SORCS3: variants seen among roughly 807,000 people sequenced by gnomAD.
The protein encoded by SORCS3 is sortilin related VPS10 domain containing receptor 3.
Under a neutral mutation model 146.3 loss-of-function variants are expected in SORCS3, and 57 were observed. That is an observed-to-expected ratio of 0.39 (90% CI 0.31 to 0.49). SORCS3 has a LOEUF of 0.49. Among genes scored for constraint, SORCS3 ranks in the 20% least tolerant of loss-of-function variants. The pLI is 0.92. For missense variants in SORCS3, 1,341 were observed against 1,575.5 expected (o/e 0.85, Z 2.52); for synonymous variants, 653 against 618.5 (o/e 1.06, Z -0.83).
At chr10:104,943,536 T>C (rs1326461412) in intron 3 of SORCS3, among the ~76,000 whole-genome samples, 1 of 152,186 alleles carries the variant, frequency 6.6e-6, no homozygotes, top group East Asian at 1.9e-4. Context: ...AGACTCAATA[T>C]AGAAGACTAA....
chr10:104,828,460 T>C lies in SORCS3; in HGVS notation c.628-14332T>C, dbSNP rs567539497. Among the ~76,000 whole-genome samples, 4 of 152,260 alleles carry C rather than the reference T, an allele frequency of 2.6e-5. No homozygotes were observed. The South Asian group carries it at 8.3e-4, about 32-fold the overall frequency. ...CACTGTTTTATATGGGCATGGTTCATGGTGCCCAAAAAACAATTACAAAGT... is the reference window on the plus strand; with the variant it reads ...CACTGTTTTATATGGGCATGGTTCACGGTGCCCAAAAAACAATTACAAAGT... On this transcript the variant is annotated intron_variant, in intron 1 of 26. Coordinates refer to ENST00000369701, the MANE Select transcript of SORCS3 (RefSeq NM_014978.3).
chr10:104,647,470 T>G (rs1390295720), intron 1 of SORCS3, among the ~76,000 whole-genome samples: 1 of 152,224 alleles, frequency 6.6e-6, no homozygotes, highest in Non-Finnish European at 1.5e-5. Context: ...TTTGTCATAT[T>G]TAGTTTAGTA....
intron 1 of SORCS3, among the ~76,000 whole-genome samples, chr10:104,775,346 A>G (rs981803411): frequency 6.6e-6 from 1 of 152,208 alleles, no homozygotes; most frequent in African/African-American, 2.4e-5. Flanking sequence ...AGTGCTCAGT[A>G]AGTGTTATTT....
At chr10:105,016,134 A>AATATATATATAT (rs1355412638) in intron 4 of SORCS3, among the ~76,000 whole-genome samples, 21 of 113,670 alleles carry the variant, frequency 1.8e-4, no homozygotes, top group African/African-American at 6.6e-4. Flanking sequence ...ATATTATATA[A>AATATATATATAT]ATATATATAT....
Position 104,964,988 on chromosome 10 carries a change from A to G in SORCS3, c.796-12347A>G, listed in dbSNP as rs544530600. On this transcript the variant is annotated intron_variant, in intron 3 of 26. Coordinates refer to ENST00000369701, the MANE Select transcript of SORCS3 (RefSeq NM_014978.3). ...TAGTATTTTTTTCTTTATGACTGGC[A>G]TATTTCACTTTGCATAATGTCTTCA... Among the ~76,000 whole-genome samples the G allele has an allele frequency of 8.5e-5, 13 of 152,306 alleles. No individual in the cohort carries two copies. In the South Asian group the frequency reaches 2.3e-3, roughly 27 times the overall value.
At chr10:104,736,688 G>T (rs1200513876) in intron 1 of SORCS3, among the ~76,000 whole-genome samples, 2 of 151,908 alleles carry the variant, frequency 1.3e-5, no homozygotes, top group Non-Finnish European at 2.9e-5. Context: ...TATATTCTCA[G>T]CAGGTGAACC....
chr10:104,662,355 A>C (rs1021248099), intron 1 of SORCS3, among the ~76,000 whole-genome samples: 2 of 152,230 alleles, frequency 1.3e-5, no homozygotes, highest in African/African-American at 2.4e-5. Flanking sequence ...TGCATTCAGC[A>C]TCTTGTTTAA....
chr10:105,245,911 G>A (rs961088651), intron 21 of SORCS3, among the ~76,000 whole-genome samples: 1 of 152,114 alleles, frequency 6.6e-6, no homozygotes, highest in Non-Finnish European at 1.5e-5. Context: ...GTTCTTATTA[G>A]ACAAAGACAC....
At chr10:104,695,872 T>TTG (rs1423988838) in intron 1 of SORCS3, among the ~76,000 whole-genome samples, 25 of 149,788 alleles carry the variant, frequency 1.7e-4, no homozygotes, top group Middle Eastern at 3.5e-3. Flanking sequence ...TAATTCACAA[T>TTG]AGTCAAAATA....
At chr10:105,219,675 T>C (rs1055852216) in intron 19 of SORCS3, among the ~76,000 whole-genome samples, 2 of 152,162 alleles carry the variant, frequency 1.3e-5, no homozygotes, top group African/African-American at 2.4e-5. Flanking sequence ...ATTAGAGTAT[T>C]TACTAAGTAC....
chr10:105,104,639 A>AGG (rs1334401461), intron 6 of SORCS3, among the ~76,000 whole-genome samples: 2 of 152,276 alleles, frequency 1.3e-5, no homozygotes, highest in African/African-American at 4.8e-5. Flanking sequence ...TAAAAAGCAG[A>AGG]GGTCTCACTT....
intron 1 of SORCS3, among the ~76,000 whole-genome samples, chr10:104,801,625 G>T (rs143335421): frequency 5.8e-4 from 88 of 152,136 alleles, no homozygotes; most frequent in African/African-American, 1.9e-3. Context: ...GTGTAGATGG[G>T]ATCTTTGAAG....
rs533711711 is a variant in SORCS3 at position 105,059,748 on chromosome 10, C to T, written c.1028+16620C>T. On this transcript the variant is annotated intron_variant, in intron 5 of 26. Transcript: ENST00000369701. ...CTGAGTTTAGCAAATGTGACACAAGCGGAAGCTCTGTCATTGCACTGTAGC... is the reference window on the plus strand; with the variant it reads ...CTGAGTTTAGCAAATGTGACACAAGTGGAAGCTCTGTCATTGCACTGTAGC... 3.3e-4 allele frequency among the ~76,000 whole-genome samples: 51 copies of T among 152,294 alleles called. No homozygotes were observed. In the South Asian group the frequency reaches 9.9e-3, roughly 30 times the overall value.
chr10:104,782,740 G>C (rs541199035), intron 1 of SORCS3, among the ~76,000 whole-genome samples: 1 of 152,194 alleles, frequency 6.6e-6, no homozygotes, highest in African/African-American at 2.4e-5. Flanking sequence ...ATGGGATCTC[G>C]GGAAAATCAC....
chr10:104,681,985 T>C (rs1345855210), intron 1 of SORCS3, among the ~76,000 whole-genome samples: 2 of 152,248 alleles, frequency 1.3e-5, no homozygotes, highest in Non-Finnish European at 2.9e-5. Flanking sequence ...GATTTATCTA[T>C]TGATTGCCTG....
chr10:104,883,339 C>T (rs1299766186), intron 2 of SORCS3, among the ~76,000 whole-genome samples: 1 of 152,198 alleles, frequency 6.6e-6, no homozygotes, highest in African/African-American at 2.4e-5. Flanking sequence ...CTTAGAGACA[C>T]ATGATTGATC....
At chr10:104,867,434 C>T (rs1000473289) in intron 2 of SORCS3, among the ~76,000 whole-genome samples, 1 of 151,868 alleles carries the variant, frequency 6.6e-6, no homozygotes, top group Non-Finnish European at 1.5e-5. Flanking sequence ...CTCAGCCTCC[C>T]GAGTAGTTGG....
At chr10:105,214,398 A>G in intron 17 of SORCS3, 44 bp from the exon 18 acceptor site, 1 of 1,607,416 alleles carries the variant, frequency 6.2e-7, no homozygotes, top group Non-Finnish European at 8.5e-7. Context: ...CAGCAACAAC[A>G]ACACAATCAA....
chr10:104,813,790 T>A (rs2017765525), intron 1 of SORCS3, among the ~76,000 whole-genome samples: 1 of 152,062 alleles, frequency 6.6e-6, no homozygotes, highest in South Asian at 2.1e-4. Context: ...AGGACGATAA[T>A]GTTTTCATGG....
Sources: allele counts gnomAD v4.1 joint callset (sites outside exome capture counted in the v4.1 genomes callset), GRCh38; gene constraint gnomAD v4.1.1; transcripts MANE v1.5; gene names NCBI Gene and HGNC (gene_info 2026-07-23, HGNC 2026-07-21).